Variants in B9D2 observed in about 807,000 individuals in gnomAD.
B9D2 encodes B9 domain-containing protein 2.
In B9D2, 21 loss-of-function variants were observed where a neutral mutation model predicts 19.2. That is an observed-to-expected ratio of 1.09 (90% confidence interval 0.78 to 1.58). The LOEUF (loss-of-function observed/expected upper bound fraction) is 1.58. Among genes scored for constraint, B9D2 ranks in the 40% most tolerant of loss-of-function variants. The pLI is 0.00. For missense variants in B9D2, 221 were observed against 244.3 expected, an observed-to-expected ratio of 0.90 and a Z score of 0.64; for synonymous variants, 91 against 100.6, an observed-to-expected ratio of 0.90 and a Z score of 0.57.
chr19:41,363,823 G>A lies in B9D2; in HGVS notation c.-5+135C>T, dbSNP rs553610827. The A allele has an allele frequency of 2.8e-3, 1,503 of 541,520 alleles. 5 individuals carry two copies. Among genetic ancestry groups the A allele is most frequent in the Non-Finnish European group, 4.2e-3 (1,266 of 300,724 alleles). The allele number at this position is 541,520 out of a possible 1,614,324, so 33.5% of individuals were successfully genotyped here. On this transcript the variant is annotated intron_variant, in intron 1 of 3. Coordinates refer to ENST00000243578, the MANE Select transcript of B9D2 (RefSeq NM_030578.4). ...GAAGGGGCTATGGCTCCGCCCACGA[G>A]CGCAAAAGACCCGCCTTCCGCGTCA... is the stretch of plus-strand genomic sequence containing the variant.
chr19:41,360,161 C>T (rs940127834), intron 2 of B9D2, among the ~76,000 whole-genome samples: 5 of 151,246 alleles, frequency 3.3e-5, no homozygotes, highest in South Asian at 2.1e-4. Context: ...TCTGGAATCA[C>T]GGTGCTCCTT....
At chr19:41,357,479 C>T (rs979773269) in intron 3 of B9D2, among the ~76,000 whole-genome samples, 3 of 152,210 alleles carry the variant, frequency 2.0e-5, no homozygotes, top group African/African-American at 7.2e-5. Flanking sequence ...CTTTCTGATG[C>T]CGCTCCTCCC....
At chr19:41,356,598 C>T (rs947119212) in intron 3 of B9D2, among the ~76,000 whole-genome samples, 3 of 151,856 alleles carry the variant, frequency 2.0e-5, no homozygotes, top group Admixed American at 1.3e-4. Flanking sequence ...AATCCCAGCA[C>T]TTTGGGAGGC....
At chr19:41,361,578 A>G (rs2038403659) in intron 2 of B9D2, among the ~76,000 whole-genome samples, 1 of 150,344 alleles carries the variant, frequency 6.7e-6, no homozygotes, top group Non-Finnish European at 1.5e-5. Context: ...ACTTAAGGCC[A>G]GGAGTTCGAG....
At chr19:41,361,529 T>G (rs1312887641) in intron 2 of B9D2, among the ~76,000 whole-genome samples, 1 of 152,102 alleles carries the variant, frequency 6.6e-6, no homozygotes, top group African/African-American at 2.4e-5. Context: ...GGCTCACACC[T>G]GTAATCCCAG....
intron 3 of B9D2, among the ~76,000 whole-genome samples, chr19:41,356,743 C>T (rs1003769285): frequency 7.3e-5 from 11 of 151,500 alleles, no homozygotes; most frequent in Non-Finnish European, 1.0e-4. Flanking sequence ...CCCAGCTACT[C>T]GTGAGGCTGA....
At chr19:41,355,135 C>G in intron 3 of B9D2, 122 bp from the exon 4 acceptor site, 1 of 1,054,576 alleles carries the variant, frequency 9.5e-7, no homozygotes, top group Non-Finnish European at 1.3e-6. Context: ...GGGTTTCTGT[C>G]CCAGAGTTTC....
Position 41,363,938 on chromosome 19 carries a change from A to G in B9D2, c.-5+20T>C, listed in dbSNP as rs1013979219. 1.4e-5 allele frequency: 5 copies of G among 355,006 alleles called. No homozygotes were observed. The highest frequency in any genetic ancestry group is 2.6e-5 in the Non-Finnish European group (5 of 188,926). 22.0% of individuals were successfully genotyped at this position (355,006 alleles called of 1,614,324 possible). A position where few individuals can be genotyped will look rare whatever the true frequency, so the allele number is the denominator to read the frequency against. The stretch of plus-strand genomic sequence containing the variant: ...CCGACTTAACCCCGCCTCTAAGCGC[A>G]GCGCATGCGTCATTCCTACCTTAGC... On this transcript the variant is annotated intron_variant, in intron 1 of 3. Transcript: ENST00000243578.
intron 1 of B9D2, 53 bp from the exon 2 acceptor site, chr19:41,363,576 A>C: frequency 6.8e-7 from 1 of 1,462,168 alleles, no homozygotes; most frequent in Non-Finnish European, 9.2e-7. Context: ...TATTATCTCC[A>C]TTTGACGGGG....
chr19:41,354,714 C>A lies in B9D2; in HGVS notation c.514G>T (p.Gly172Cys), dbSNP rs368915262. The A allele has an allele frequency of 1.2e-6, 2 of 1,614,000 alleles. No individual in the cohort carries two copies. Among genetic ancestry groups the A allele is most frequent in the South Asian group, 1.1e-5 (1 of 91,090 alleles). The change falls in exon 4 of 4, where the codon GGC becomes TGC. Residue 172 changes from glycine to cysteine, a missense_variant. By Grantham distance (159) the Gly-to-Cys change is radical. Transcript: ENST00000243578. The stretch of plus-strand genomic sequence containing the variant: ...GGCAGAGTCCCTCAGCACTCCACGC[C>A]GTAGCGGTCGAAGTTGCGGAGCAGC... Reference protein sequence around the residue: ...GLLLRNFDRYGVEC With the variant: ...GLLLRNFDRYCVEC
At chr19:41,356,838 G>A (rs2123130649) in intron 3 of B9D2, among the ~76,000 whole-genome samples, 1 of 135,954 alleles carries the variant, frequency 7.4e-6, no homozygotes, top group East Asian at 2.1e-4. Flanking sequence ...GCAACAGAGT[G>A]AAACTCTGTC....
At position 41,355,654 on chromosome 19, in the gene B9D2, T is replaced by A. The variant is rs550527153; in HGVS notation, c.215-641A>T. 3.3e-5 allele frequency among the ~76,000 whole-genome samples: 5 copies of A among 152,320 alleles called. No homozygotes were observed. In the South Asian group the frequency reaches 6.2e-4, roughly 19 times the overall value. ...CCTTCTCCTGTGCTAGACTCTGTTC[T>A]AGCTAGCTGGGGACACGGCAGACAT... On this transcript the variant is annotated intron_variant, in intron 3 of 3. Coordinates refer to ENST00000243578, the MANE Select transcript of B9D2 (RefSeq NM_030578.4).
Position 41,358,032 on chromosome 19 carries a change from G to C in B9D2, c.89-10C>G, listed in dbSNP as rs777993645. Reference sequence around the variant, plus strand: ...AGCTTCCATGCCGCCCCTGCAGTGAGAGCCGGGACATAGAGGGGTGGGAGG... The same window carrying C: ...AGCTTCCATGCCGCCCCTGCAGTGACAGCCGGGACATAGAGGGGTGGGAGG... On this transcript the variant is annotated splice_polypyrimidine_tract_variant and intron_variant, in intron 2 of 3. Transcript: ENST00000243578. 2 of 1,613,958 alleles carry C rather than the reference G, an allele frequency of 1.2e-6. No homozygotes were observed. Among genetic ancestry groups the C allele is most frequent in the African/African-American group, 2.7e-5 (2 of 74,920 alleles).
rs1459719423 is a variant in B9D2 at position 41,358,095 on chromosome 19, CTG to C, written c.89-75_89-74del. 1.9e-6 allele frequency: 3 copies of C among 1,591,560 alleles called. No individual in the cohort carries two copies. In the East Asian group the frequency reaches 6.7e-5, roughly 36 times the overall value. ...AGGGGATGCCGCTGTGGCTATAGGACTGTTTCTCTGTGGCATCTACTGGTAGG... is the reference window on the plus strand; with the variant it reads ...AGGGGATGCCGCTGTGGCTATAGGACTTTCTCTGTGGCATCTACTGGTAGG... On this transcript the variant is annotated intron_variant, in intron 2 of 3. Transcript: ENST00000243578.
chr19:41,355,970 C>G (rs2038306602), intron 3 of B9D2, among the ~76,000 whole-genome samples: 2 of 152,146 alleles, frequency 1.3e-5, no homozygotes, highest in Non-Finnish European at 2.9e-5. Flanking sequence ...TGCCAAGGCC[C>G]TGGGGGGGGA....
chr19:41,358,798 G>T (rs2123135247), intron 2 of B9D2, among the ~76,000 whole-genome samples: 1 of 152,080 alleles, frequency 6.6e-6, no homozygotes, highest in South Asian at 2.1e-4. Flanking sequence ...TTGAGTCCAG[G>T]AGTTCAAGAC....
In B9D2 at chr19:41,354,814, G is replaced by A. The variant is rs747602752; in HGVS notation, c.414C>T (p.Asp138=). ...AGCGGTCGGCCCCACTGTAGATGGT[G>A]TCCCCATGCAGCAGCTGCGGCCCAC... ...VGGGPQLLHG[D]TIYSGADRYR... is the part of the protein sequence containing the mutation. The change falls in exon 4 of 4, where the codon GAC becomes GAT. Residue 138 remains aspartate (D), a synonymous_variant. Coordinates refer to ENST00000243578, the MANE Select transcript of B9D2 (RefSeq NM_030578.4). 1 of 1,614,052 alleles carries A rather than the reference G, an allele frequency of 6.2e-7. No homozygotes were observed. Among genetic ancestry groups the A allele is most frequent in the Non-Finnish European group, 8.5e-7 (1 of 1,180,020 alleles).
chr19:41,361,601 G>A (rs984617628), intron 2 of B9D2, among the ~76,000 whole-genome samples: 6 of 148,530 alleles, frequency 4.0e-5, no homozygotes, highest in African/African-American at 5.0e-5. Flanking sequence ...CAGCCTGGCC[G>A]ACATGGTGAA....
At chr19:41,355,079 C>G in intron 3 of B9D2, 66 bp from the exon 4 acceptor site, 1 of 1,405,380 alleles carries the variant, frequency 7.1e-7, no homozygotes, top group Non-Finnish European at 9.5e-7. Context: ...TGATTCCCCA[C>G]TCCCTGATAC....
Sources: allele counts gnomAD v4.1 joint callset (sites outside exome capture counted in the v4.1 genomes callset), GRCh38; gene constraint gnomAD v4.1.1; transcripts MANE v1.5; gene names NCBI Gene and HGNC (gene_info 2026-07-23, HGNC 2026-07-21).